Variants in MYT1L observed in about 807,000 individuals in gnomAD.
MYT1L encodes myelin transcription factor 1 like.
In MYT1L, 12 loss-of-function variants were observed where a neutral mutation model predicts 126.7. That is an observed-to-expected ratio of 0.09 (90% CI 0.06 to 0.15). The LOEUF is 0.15. Among genes scored for constraint, MYT1L ranks in the 10% least tolerant of loss-of-function variants. The pLI is 1.00. For missense variants in MYT1L, 979 were observed against 1,585.2 expected, an observed-to-expected ratio of 0.62 and a Z score of 6.49; for synonymous variants, 541 against 604.2, an observed-to-expected ratio of 0.90 and a Z score of 1.53.
At chr2:1,960,140 T>C (rs1434536315) in intron 8 of MYT1L, among the ~76,000 whole-genome samples, 1 of 152,114 alleles carries the variant, frequency 6.6e-6, no homozygotes, top group East Asian at 1.9e-4. Context: ...GGGAAGAAAT[T>C]GTCTACACAG....
rs533920511 is a variant in MYT1L at position 1,808,773 on chromosome 2, A to C, written c.3172+303T>G. On this transcript the variant is annotated intron_variant, in intron 22 of 24. Transcript: ENST00000647738. Reference sequence around the variant, plus strand: ...GAAACCCTGGATGAGGGCCTGAGGGACACAGGCAGAAATGTGGGCACACTG... The same window carrying C: ...GAAACCCTGGATGAGGGCCTGAGGGCCACAGGCAGAAATGTGGGCACACTG... 3.9e-5 allele frequency among the ~76,000 whole-genome samples: 6 copies of C among 152,306 alleles called. No individual in the cohort carries two copies. The South Asian group carries it at 1.2e-3, about 32-fold the overall frequency.
chr2:2,164,358 C>A (rs749455581), intron 3 of MYT1L, among the ~76,000 whole-genome samples: 9 of 152,044 alleles, frequency 5.9e-5, no homozygotes, highest in Admixed American at 3.3e-4. Flanking sequence ...TTCCTGCTGC[C>A]ATTTGTGTTT....
intron 3 of MYT1L, among the ~76,000 whole-genome samples, chr2:2,107,052 T>A (rs2078843047): frequency 6.6e-6 from 1 of 152,170 alleles, no homozygotes; most frequent in Non-Finnish European, 1.5e-5. Context: ...CACATCTGTC[T>A]CCCACAGCTG....
At chr2:2,289,597 A>T (rs1300019809) in intron 1 of MYT1L, among the ~76,000 whole-genome samples, 2 of 152,200 alleles carry the variant, frequency 1.3e-5, no homozygotes, top group African/African-American at 4.8e-5. Context: ...ATCCTTCCAT[A>T]AGACGGAAAT....
intron 2 of MYT1L, among the ~76,000 whole-genome samples, chr2:2,266,310 A>T (rs1467462050): frequency 6.6e-6 from 1 of 152,154 alleles, no homozygotes; most frequent in African/African-American, 2.4e-5. Context: ...GGGAATACTC[A>T]TTCCTTGTGC....
intron 3 of MYT1L, among the ~76,000 whole-genome samples, chr2:2,161,611 A>G (rs996866600): frequency 6.6e-6 from 1 of 152,178 alleles, no homozygotes; most frequent in African/African-American, 2.4e-5. Context: ...GTGTCATTAC[A>G]TTTCCCAGGT....
chr2:2,309,526 C>T (rs2095920626), intron 1 of MYT1L, among the ~76,000 whole-genome samples: 1 of 151,826 alleles, frequency 6.6e-6, no homozygotes, highest in African/African-American at 2.4e-5. Flanking sequence ...TCATACTCCA[C>T]TTACACTTCA....
intron 18 of MYT1L, among the ~76,000 whole-genome samples, chr2:1,874,054 G>A (rs561667076): frequency 1.3e-5 from 1 of 74,484 alleles, no homozygotes; most frequent in Non-Finnish European, 2.4e-5. Flanking sequence ...ACAGGGAGAG[G>A]GCAAGGAGAG....
At chr2:1,829,798 A>C (rs2039892109) in intron 21 of MYT1L, among the ~76,000 whole-genome samples, 1 of 146,524 alleles carries the variant, frequency 6.8e-6, no homozygotes, top group African/African-American at 2.6e-5. Flanking sequence ...TACACCTGTG[A>C]ATTGACCTTC....
intron 3 of MYT1L, among the ~76,000 whole-genome samples, chr2:2,126,847 A>G (rs529350806): frequency 4.6e-5 from 7 of 152,314 alleles, no homozygotes; most frequent in African/African-American, 1.2e-4. Flanking sequence ...ATTTTTGAGT[A>G]CCAAAATTTT....
intron 3 of MYT1L, among the ~76,000 whole-genome samples, chr2:2,095,902 G>A (rs902737839): frequency 1.3e-5 from 2 of 152,164 alleles, no homozygotes; most frequent in African/African-American, 2.4e-5. Context: ...ACAGAGGGGC[G>A]GAGCAGAGCT....
intron 3 of MYT1L, among the ~76,000 whole-genome samples, chr2:2,138,900 C>G (rs372535119): frequency 6.6e-6 from 1 of 151,478 alleles, no homozygotes; most frequent in African/African-American, 2.4e-5. Context: ...TGTGGTTTCC[C>G]GCCTGGGCCG....
intron 18 of MYT1L, among the ~76,000 whole-genome samples, chr2:1,883,642 G>C (rs2047840392): frequency 6.6e-6 from 1 of 152,146 alleles, no homozygotes; most frequent in Admixed American, 6.5e-5. Flanking sequence ...ACCCTGTGAG[G>C]TCGACTCCTA....
intron 2 of MYT1L, among the ~76,000 whole-genome samples, chr2:2,263,725 G>C (rs1276783483): frequency 6.6e-6 from 1 of 152,100 alleles, no homozygotes; most frequent in African/African-American, 2.4e-5. Flanking sequence ...TTCACGACTA[G>C]ACCTTTCAGG....
chr2:1,841,610 G>C (rs975162572), intron 19 of MYT1L: 1 of 152,366 alleles, frequency 6.6e-6, no homozygotes, highest in Non-Finnish European at 1.5e-5. Context: ...CTGGTCCACC[G>C]GGAGGGAGCA....
chr2:2,138,324 C>T (rs1198429133), intron 3 of MYT1L, among the ~76,000 whole-genome samples: 2 of 148,406 alleles, frequency 1.3e-5, no homozygotes, highest in African/African-American at 5.0e-5. Flanking sequence ...TACCATTTGA[C>T]CCAGCCATCC....
At chr2:2,068,766 C>CTTCTTTTTT (rs1370285207) in intron 3 of MYT1L, among the ~76,000 whole-genome samples, 1 of 5,880 alleles carries the variant, frequency 1.7e-4, no homozygotes, top group Non-Finnish European at 3.6e-4. Context: ...CTGTGTTCTT[C>CTTCTTTTTT]TTGTTTTTTT....
In MYT1L at chr2:1,861,870, GCAGCCTGTGTAATCCTGGATCCTCCTA is replaced by G. The variant is rs1485090129; in HGVS notation, c.2712-10194_2712-10168del. Among the ~76,000 whole-genome samples, 131 of 152,386 alleles carry G rather than the reference GCAGCCTGTGTAATCCTGGATCCTCCTA, an allele frequency of 8.6e-4. 6 individuals carry two copies. Among genetic ancestry groups the G allele is most frequent in the African/African-American group, 1.2e-3 (48 of 41,600 alleles). ...AGCCTGTGTAATCCTAGATCTGCCTGCAGCCTGTGTAATCCTGGATCCTCCTACAGCCTGTGTAATCCTGGATCCTCC... is the reference window on the plus strand; with the variant it reads ...AGCCTGTGTAATCCTAGATCTGCCTGCAGCCTGTGTAATCCTGGATCCTCC... On this transcript the variant is annotated intron_variant, in intron 18 of 24. Transcript: ENST00000647738.
At chr2:2,313,293 A>G (rs999939737) in intron 1 of MYT1L, among the ~76,000 whole-genome samples, 2 of 152,126 alleles carry the variant, frequency 1.3e-5, no homozygotes, top group African/African-American at 2.4e-5. Context: ...AATCAAGTGC[A>G]ATCAGCGGTT....
Sources: allele counts gnomAD v4.1 joint callset (sites outside exome capture counted in the v4.1 genomes callset), GRCh38; gene constraint gnomAD v4.1.1; transcripts MANE v1.5; gene names NCBI Gene and HGNC (gene_info 2026-07-23, HGNC 2026-07-21).